Variants in CHST9 observed in about 807,000 individuals in gnomAD.
CHST9 encodes carbohydrate sulfotransferase 9, also known as GalNAc-4-sulfotransferase 2.
A neutral mutation model predicts 44.4 loss-of-function variants in CHST9; 41 were observed. The ratio of observed to expected loss-of-function variants is 0.92; its 90% CI spans 0.72 to 1.20. The LOEUF (loss-of-function observed/expected upper bound fraction) is 1.20, where lower values mean the gene tolerates loss of function less well. Among genes scored for constraint, CHST9 ranks in the 50% most tolerant of loss-of-function variants. The probability of loss-of-function intolerance (pLI) is 0.00; values close to 1 mark genes in which losing one functional copy is unlikely to be tolerated. For synonymous variants in CHST9, 171 were observed against 178.4 expected (o/e 0.96, Z 0.33); for missense variants, 504 against 516.5 (o/e 0.98, Z 0.23).
intron 5 of CHST9, 40 bp downstream of exon 5, chr18:26,944,289 C>A: frequency 6.6e-7 from 1 of 1,520,554 alleles, no homozygotes; most frequent in Non-Finnish European, 9.1e-7. Context: ...AACATTGAAA[C>A]AAAATTCTAT....
intron 1 of CHST9, among the ~76,000 whole-genome samples, chr18:27,172,528 C>T (rs2058841116): frequency 6.6e-6 from 1 of 151,946 alleles, no homozygotes; most frequent in Non-Finnish European, 1.5e-5. Flanking sequence ...CATGCTCCAT[C>T]TCCACAACAA....
At chr18:27,137,241 ATAAT>A (rs1381473008) in intron 2 of CHST9, among the ~76,000 whole-genome samples, 2 of 151,064 alleles carry the variant, frequency 1.3e-5, no homozygotes, top group Admixed American at 6.6e-5. Flanking sequence ...ATATTGACTC[ATAAT>A]TGATTATATT....
intron 2 of CHST9, among the ~76,000 whole-genome samples, chr18:27,114,311 T>C (rs2058301095): frequency 6.6e-6 from 1 of 152,232 alleles, no homozygotes; most frequent in South Asian, 2.1e-4. Context: ...ATAGACGAGA[T>C]GGTTGTCTGT....
chr18:27,007,263 C>CA (rs1415858001), intron 4 of CHST9, among the ~76,000 whole-genome samples: 1 of 152,178 alleles, frequency 6.6e-6, no homozygotes, highest in Non-Finnish European at 1.5e-5. Flanking sequence ...GAGAAAGACA[C>CA]AGACAGCACA....
intron 3 of CHST9, among the ~76,000 whole-genome samples, chr18:27,048,255 T>C (rs2057527532): frequency 6.6e-6 from 1 of 152,164 alleles, no homozygotes; most frequent in Non-Finnish European, 1.5e-5. Context: ...CATTTTCTTT[T>C]GAATGTAATG....
At chr18:27,016,886 A>G (rs1222469681) in intron 4 of CHST9, among the ~76,000 whole-genome samples, 2 of 152,200 alleles carry the variant, frequency 1.3e-5, no homozygotes, top group Non-Finnish European at 2.9e-5. Flanking sequence ...GGAGAGTTTC[A>G]TAATTTGCCA....
chr18:26,995,124 G>C (rs1438606180), intron 4 of CHST9, among the ~76,000 whole-genome samples: 1 of 151,448 alleles, frequency 6.6e-6, no homozygotes, highest in African/African-American at 2.4e-5. Context: ...GAGCCTGCAA[G>C]TAGCAACCCT....
intron 1 of CHST9, among the ~76,000 whole-genome samples, chr18:27,173,914 A>G (rs1027081705): frequency 6.6e-6 from 1 of 152,032 alleles, no homozygotes; most frequent in Non-Finnish European, 1.5e-5. Context: ...ACATTTTGCC[A>G]TAATTATTTG....
At chr18:26,989,381 C>A (rs1037557070) in intron 4 of CHST9, among the ~76,000 whole-genome samples, 21 of 152,136 alleles carry the variant, frequency 1.4e-4, no homozygotes, top group African/African-American at 5.1e-4. Context: ...CCATGATATA[C>A]CCCTACATAC....
intron 2 of CHST9, among the ~76,000 whole-genome samples, chr18:27,061,505 G>T (rs944008043): frequency 6.6e-6 from 1 of 152,084 alleles, no homozygotes; most frequent in East Asian, 1.9e-4. Context: ...GGTGAGGAGG[G>T]CCCAGGTGTC....
intron 5 of CHST9, among the ~76,000 whole-genome samples, chr18:26,937,627 C>T (rs2056017243): frequency 6.6e-6 from 1 of 152,140 alleles, no homozygotes; most frequent in African/African-American, 2.4e-5. Context: ...CATTGGATTG[C>T]CTTATTTAAT....
intron 4 of CHST9, among the ~76,000 whole-genome samples, chr18:26,989,847 G>A (rs1002093470): frequency 3.3e-5 from 5 of 152,144 alleles, no homozygotes; most frequent in Non-Finnish European, 7.4e-5. Context: ...CTACTCAGGA[G>A]GCTGAGGCAC....
intron 1 of CHST9, among the ~76,000 whole-genome samples, chr18:27,174,528 T>C (rs915041508): frequency 6.6e-6 from 1 of 152,008 alleles, no homozygotes; most frequent in South Asian, 2.1e-4. Context: ...TAAAGGGATG[T>C]CCCCCCTTTT....
chr18:27,112,672 T>G (rs2058283037), intron 2 of CHST9, among the ~76,000 whole-genome samples: 1 of 151,426 alleles, frequency 6.6e-6, no homozygotes, highest in South Asian at 2.1e-4. Flanking sequence ...CTTGGAAAAC[T>G]TTAATAAACT....
At chr18:27,052,245 G>GGT (rs201335561) in intron 2 of CHST9, among the ~76,000 whole-genome samples, 45 of 150,462 alleles carry the variant, frequency 3.0e-4, no homozygotes, top group Non-Finnish European at 6.1e-4. Flanking sequence ...TGTATATATA[G>GGT]GTGTGTGTGT....
chr18:27,048,897 A>T (rs1355918329), intron 2 of CHST9, among the ~76,000 whole-genome samples: 1 of 152,130 alleles, frequency 6.6e-6, no homozygotes. Context: ...GATGTGCCTC[A>T]AATAGTGTAG....
intron 1 of CHST9, among the ~76,000 whole-genome samples, chr18:27,156,884 ATGTT>A (rs1272853053): frequency 2.0e-5 from 3 of 152,136 alleles, no homozygotes; most frequent in Non-Finnish European, 4.4e-5. Context: ...TTTATACAAA[ATGTT>A]TGGCATTGCT....
At chr18:27,073,538 G>A (rs919278766) in intron 2 of CHST9, among the ~76,000 whole-genome samples, 2 of 151,948 alleles carry the variant, frequency 1.3e-5, no homozygotes, top group Admixed American at 6.6e-5. Context: ...GTCAGGAATG[G>A]GTAAACCTGC....
At chr18:26,982,187 T>C (rs1044934041) in intron 4 of CHST9, among the ~76,000 whole-genome samples, 1 of 152,190 alleles carries the variant, frequency 6.6e-6, no homozygotes, top group African/African-American at 2.4e-5. Context: ...TGATCCACTT[T>C]CTACTTCCTC....
Sources: gnomAD v4.1 joint callset for allele counts (sites outside exome capture counted in the v4.1 genomes callset) on GRCh38, gnomAD v4.1.1 for gene constraint, MANE v1.5 for transcripts, NCBI Gene and HGNC (gene_info 2026-07-23, HGNC 2026-07-21) for gene names.